The following TLN2 variants were observed in gnomAD, a reference collection of about 807,000 sequenced individuals.
TLN2 encodes the protein talin-2.
Under a neutral mutation model 294.7 loss-of-function variants are expected in TLN2, and 118 were observed. The ratio of observed to expected loss-of-function variants is 0.40; its 90% CI spans 0.34 to 0.47. TLN2 has a LOEUF of 0.47. Ranked by LOEUF, TLN2 falls within the 20% of genes least tolerant of loss-of-function variation. TLN2 has a pLI of 0.84. For synonymous variants in TLN2, 1,431 were observed against 1,304.5 expected (o/e 1.10, Z -2.09); for missense variants, 3,083 against 3,282.2 (o/e 0.94, Z 1.48).
intron 58 of TLN2, among the ~76,000 whole-genome samples, chr15:62,839,776 C>T (rs16945905): frequency 0.087 from 13,265 of 152,226 alleles, 1,272 homozygotes; most frequent in African/African-American, 0.24. Context: ...ATGTGTTTCT[C>T]CATGCGCTAA....
intron 1 of TLN2, among the ~76,000 whole-genome samples, chr15:62,580,157 G>A (rs550319145): frequency 6.6e-6 from 1 of 152,262 alleles, no homozygotes; most frequent in East Asian, 1.9e-4. Flanking sequence ...CTTTCTCTCT[G>A]TATTTTAAAA....
rs1281136138 is a variant in TLN2 at position 62,811,381 on chromosome 15, ATAGT to A, written c.6771+1352_6771+1355del. On this transcript the variant is annotated intron_variant, in intron 52 of 58. Transcript: ENST00000636159. ...AGCCTCTAGCTAGACAGGTTGGGAA[ATAGT>A]TAAAGTGTTCAGTCTGTAAGTGTGC... is the stretch of plus-strand genomic sequence containing the variant. Among the ~76,000 whole-genome samples the A allele has an allele frequency of 3.3e-5, 5 of 152,240 alleles. No homozygotes were observed. The East Asian group carries it at 7.7e-4, about 23-fold the overall frequency.
At chr15:62,724,827 C>T in intron 26 of TLN2, 149 bp from the exon 27 acceptor site, 1 of 1,023,196 alleles carries the variant, frequency 9.8e-7, no homozygotes, top group Non-Finnish European at 1.3e-6. Context: ...ATTTTGTTCT[C>T]TCAGAAAAAA....
chr15:62,798,564 A>G (rs1464692870), intron 48 of TLN2, among the ~76,000 whole-genome samples: 2 of 152,194 alleles, frequency 1.3e-5, no homozygotes, highest in African/African-American at 2.4e-5. Flanking sequence ...ACAAAAAAAA[A>G]AAACCTCTGT....
intron 44 of TLN2, among the ~76,000 whole-genome samples, chr15:62,781,811 G>C (rs1211210764): frequency 6.6e-6 from 1 of 152,156 alleles, no homozygotes; most frequent in African/African-American, 2.4e-5. Context: ...TTTTGGTTTG[G>C]TTTGGTTTTT....
intron 1 of TLN2, among the ~76,000 whole-genome samples, chr15:62,485,541 G>A: frequency 6.6e-6 from 1 of 152,190 alleles, no homozygotes; most frequent in South Asian, 2.1e-4. Context: ...AGTGCGGGGT[G>A]GGGGCAAGTG....
At chr15:62,506,147 C>T (rs2039608855) in intron 1 of TLN2, among the ~76,000 whole-genome samples, 1 of 152,166 alleles carries the variant, frequency 6.6e-6, no homozygotes, top group Admixed American at 6.5e-5. Context: ...TCTTTAAAAG[C>T]CCAGCACAAA....
chr15:62,494,307 G>T (rs1488390993), intron 1 of TLN2, among the ~76,000 whole-genome samples: 2 of 151,968 alleles, frequency 1.3e-5, no homozygotes, highest in Non-Finnish European at 2.9e-5. Context: ...ACCTCAGCTG[G>T]CAGGGTCTCG....
chr15:62,669,095 C>T (rs189768199), intron 9 of TLN2, among the ~76,000 whole-genome samples: 3 of 152,326 alleles, frequency 2.0e-5, no homozygotes, highest in Admixed American at 6.5e-5. Flanking sequence ...TTAAAGACAA[C>T]CATGAAGCAA....
chr15:62,425,617 C>T (rs1486543351), intron 1 of TLN2, among the ~76,000 whole-genome samples: 1 of 152,134 alleles, frequency 6.6e-6, no homozygotes, highest in Non-Finnish European at 1.5e-5. Context: ...GTGAGTCTTC[C>T]TGCTTTGGTG....
intron 28 of TLN2, among the ~76,000 whole-genome samples, chr15:62,728,049 A>C (rs1289488724): frequency 6.6e-6 from 1 of 152,194 alleles, no homozygotes; most frequent in African/African-American, 2.4e-5. Context: ...ACAAATTGAA[A>C]GCACCCAAGA....
At chr15:62,489,990 C>A (rs1218283951) in intron 1 of TLN2, among the ~76,000 whole-genome samples, 1 of 152,206 alleles carries the variant, frequency 6.6e-6, no homozygotes, top group Non-Finnish European at 1.5e-5. Flanking sequence ...TCTCAAATTC[C>A]TGACTCATGA....
Position 62,739,564 on chromosome 15 carries a change from G to T in TLN2, c.3885+19G>T. 6.2e-7 allele frequency: 1 copy of T among 1,613,636 alleles called. No individual in the cohort carries two copies. The highest frequency in any genetic ancestry group is 8.5e-7 in the Non-Finnish European group (1 of 1,179,758). ...AGCTCAGGTGGGTGTGGAGGTGGTT[G>T]TCTGGAGTTGACCTTAGCCTCTCCT... On this transcript the variant is annotated intron_variant, in intron 31 of 58. Coordinates refer to ENST00000636159, the MANE Select transcript of TLN2 (RefSeq NM_015059.3).
At chr15:62,814,247 G>A (rs941663638) in intron 52 of TLN2, among the ~76,000 whole-genome samples, 2 of 152,164 alleles carry the variant, frequency 1.3e-5, no homozygotes, top group Non-Finnish European at 2.9e-5. Flanking sequence ...AGAAATATTC[G>A]CTGAAAGAAG....
At chr15:62,814,907 G>A (rs771527367) in intron 52 of TLN2, among the ~76,000 whole-genome samples, 8 of 152,106 alleles carry the variant, frequency 5.3e-5, no homozygotes, top group South Asian at 2.1e-4. Context: ...CCTGCAAGCC[G>A]CAAGACTGAC....
rs370334730 is a variant in TLN2, at chr15:62,708,816, G to T, written c.2467+20G>T. 5 of 1,585,298 alleles carry T rather than the reference G, an allele frequency of 3.2e-6. No homozygotes were observed. Among genetic ancestry groups the T allele is most frequent in the Non-Finnish European group, 3.4e-6 (4 of 1,170,112 alleles). On this transcript the variant is annotated intron_variant, in intron 21 of 58. Transcript: ENST00000636159. ...ACGCTGGTAAGGCACTGTGCTGTGG[G>T]TGGGTGGATGGGTGGCTTTTGATGT...
intron 2 of TLN2, among the ~76,000 whole-genome samples, chr15:62,595,937 A>G (rs2046463474): frequency 6.6e-6 from 1 of 152,182 alleles, no homozygotes; most frequent in African/African-American, 2.4e-5. Flanking sequence ...AGATATAAAG[A>G]ATAAGTTCAA....
intron 3 of TLN2, among the ~76,000 whole-genome samples, chr15:62,620,963 A>G (rs1221572648): frequency 2.0e-5 from 3 of 149,536 alleles, no homozygotes; most frequent in Non-Finnish European, 3.0e-5. Context: ...CTCAGCCTCC[A>G]GAGTAGCTGG....
At chr15:62,495,176 C>T (rs966833925) in intron 1 of TLN2, among the ~76,000 whole-genome samples, 4 of 152,266 alleles carry the variant, frequency 2.6e-5, no homozygotes, top group African/African-American at 7.2e-5. Context: ...GTTTTTCATC[C>T]TATTATTTCC....
Sources: allele counts gnomAD v4.1 joint callset (sites outside exome capture counted in the v4.1 genomes callset), GRCh38; gene constraint gnomAD v4.1.1; transcripts MANE v1.5; gene names NCBI Gene and HGNC (gene_info 2026-07-23, HGNC 2026-07-21).